Variants in SBF2 observed in about 807,000 individuals in gnomAD.
The protein encoded by SBF2 is SET binding factor 2, also known as myotubularin-related protein 13.
A neutral mutation model predicts 225.2 loss-of-function variants in SBF2; 112 were observed. The ratio of observed to expected loss-of-function variants is 0.50; its 90% CI spans 0.43 to 0.58. SBF2 has a LOEUF of 0.58. Ranked by LOEUF, SBF2 falls within the 20% of genes least tolerant of loss-of-function variation. The pLI, the probability that SBF2 is intolerant of heterozygous loss-of-function variation, is 0.00. For synonymous variants in SBF2, 763 were observed against 773.3 expected, an observed-to-expected ratio of 0.99 and a Z score of 0.22; for missense variants, 1,996 against 2,206.2, an observed-to-expected ratio of 0.90 and a Z score of 1.91.
chr11:9,811,399 T>C (rs1437312224), intron 30 of SBF2: 1 of 152,202 alleles, frequency 6.6e-6, no homozygotes, highest in African/African-American at 2.4e-5. Flanking sequence ...ATATCCCAAG[T>C]GGGCAATTAT....
intron 19 of SBF2, among the ~76,000 whole-genome samples, chr11:9,855,176 T>C (rs1421265209): frequency 6.6e-6 from 1 of 152,202 alleles, no homozygotes; most frequent in Non-Finnish European, 1.5e-5. Flanking sequence ...CCAGACTATG[T>C]TGTTCCCATT....
At chr11:9,829,531 GTC>G in intron 27 of SBF2, 35 bp from the exon 28 acceptor site, 1 of 1,534,424 alleles carries the variant, frequency 6.5e-7, no homozygotes, top group Non-Finnish European at 9.0e-7. Flanking sequence ...AAAATAAACT[GTC>G]TCTGTGTTAA....
At chr11:9,949,310 T>C (rs973982505) in intron 16 of SBF2, among the ~76,000 whole-genome samples, 3 of 152,166 alleles carry the variant, frequency 2.0e-5, no homozygotes, top group African/African-American at 7.2e-5. Flanking sequence ...TCTGATTTTC[T>C]ATCTAAAAAT....
intron 16 of SBF2, among the ~76,000 whole-genome samples, chr11:9,939,243 C>T (rs1228463677): frequency 6.6e-6 from 1 of 152,120 alleles, no homozygotes; most frequent in African/African-American, 2.4e-5. Flanking sequence ...TTACAGGCAC[C>T]TGCCACCACG....
intron 2 of SBF2, among the ~76,000 whole-genome samples, chr11:10,128,768 C>A (rs887694662): frequency 1.3e-5 from 2 of 152,134 alleles, no homozygotes; most frequent in African/African-American, 4.8e-5. Context: ...AAAAAGAATG[C>A]TCAACAAAAT....
intron 1 of SBF2, among the ~76,000 whole-genome samples, chr11:10,263,839 A>C (rs746734369): frequency 2.7e-4 from 41 of 152,218 alleles, no homozygotes; most frequent in Admixed American, 2.2e-3. Context: ...TGAACAGTCC[A>C]AATTATCCAC....
rs1806913 is a variant in SBF2 at position 10,155,660 on chromosome 11, T to C, written c.141+38242A>G. 3.0e-3 allele frequency among the ~76,000 whole-genome samples: 463 copies of C among 152,290 alleles called. 4 individuals are homozygous for C. The highest frequency in any genetic ancestry group is 0.011 in the African/African-American group (451 of 41,554). Reference sequence around the variant, plus strand: ...TAAATAGTTAAATAATGTTTGTATTTCTGACAATTTTCAACTCTACCTTAT... The same window carrying C: ...TAAATAGTTAAATAATGTTTGTATTCCTGACAATTTTCAACTCTACCTTAT... On this transcript the variant is annotated intron_variant, in intron 2 of 39. Transcript: ENST00000256190.
chr11:10,069,304 C>T (rs1311307349), intron 2 of SBF2, among the ~76,000 whole-genome samples: 1 of 127,738 alleles, frequency 7.8e-6, no homozygotes. Flanking sequence ...CTAATGCTAT[C>T]CTCCCCTCCC....
intron 1 of SBF2, among the ~76,000 whole-genome samples, chr11:10,291,657 AACACACAC>A (rs10580039): frequency 0.2 from 28,788 of 145,954 alleles, 3,446 homozygotes; most frequent in Non-Finnish European, 0.28. Context: ...TAATCCACTA[AACACACAC>A]ACACACACAC....
At chr11:10,082,865 A>T (rs1415440060) in intron 2 of SBF2, among the ~76,000 whole-genome samples, 1 of 152,186 alleles carries the variant, frequency 6.6e-6, no homozygotes, top group Non-Finnish European at 1.5e-5. Context: ...TATTCAACAC[A>T]GTACTGGAAA....
intron 2 of SBF2, among the ~76,000 whole-genome samples, chr11:10,052,437 T>C (rs1015831332): frequency 2.0e-5 from 3 of 152,174 alleles, no homozygotes; most frequent in Non-Finnish European, 4.4e-5. Context: ...GAACAGGCAA[T>C]GTGGGAATCC....
At chr11:10,099,384 A>T (rs1952182479) in intron 2 of SBF2, among the ~76,000 whole-genome samples, 1 of 152,234 alleles carries the variant, frequency 6.6e-6, no homozygotes, top group African/African-American at 2.4e-5. Flanking sequence ...GAAATGAAAG[A>T]GAGATTAAAA....
chr11:9,988,700 G>A (rs377194348), intron 13 of SBF2, among the ~76,000 whole-genome samples: 19 of 152,088 alleles, frequency 1.2e-4, no homozygotes, highest in Non-Finnish European at 2.1e-4. Flanking sequence ...AAGCCACAGC[G>A]CGATACCATC....
At chr11:9,795,144 C>T (rs1283741587) in intron 33 of SBF2, among the ~76,000 whole-genome samples, 13 of 152,040 alleles carry the variant, frequency 8.6e-5, no homozygotes, top group Non-Finnish European at 1.6e-4. Flanking sequence ...ATGTTTTTAC[C>T]GGGGCTGACT....
intron 16 of SBF2, among the ~76,000 whole-genome samples, chr11:9,906,024 G>A (rs1443477134): frequency 6.6e-6 from 1 of 152,072 alleles, no homozygotes; most frequent in Non-Finnish European, 1.5e-5. Context: ...CCTCTCTATG[G>A]ATTATATATA....
chr11:10,116,868 T>G (rs1953167817), intron 2 of SBF2, among the ~76,000 whole-genome samples: 1 of 152,216 alleles, frequency 6.6e-6, no homozygotes, highest in South Asian at 2.1e-4. Flanking sequence ...GAGACATTGT[T>G]ATGTAAGTTA....
chr11:9,811,888 G>A (rs1241587170), intron 30 of SBF2, among the ~76,000 whole-genome samples: 1 of 152,078 alleles, frequency 6.6e-6, no homozygotes. Context: ...GGTCAAGGTG[G>A]GAGGATTACT....
chr11:9,989,653 C>G lies in SBF2; in HGVS notation c.1297-58G>C. ...TTCCAAAATATGCCAAATTCAAAAA[C>G]TGTGATAATTTCATACAATTTGCAA... On this transcript the variant is annotated intron_variant, in intron 12 of 39. Coordinates refer to ENST00000256190, the MANE Select transcript of SBF2 (RefSeq NM_030962.4). 3 of 1,023,106 alleles carry G rather than the reference C, an allele frequency of 2.9e-6. No individual in the cohort carries two copies. The South Asian group carries it at 4.1e-5, about 14-fold the overall frequency. 63.4% of individuals were successfully genotyped at this position (1,023,106 alleles called of 1,614,324 possible).
At chr11:10,058,648 T>G (rs1590858225) in intron 2 of SBF2, among the ~76,000 whole-genome samples, 1 of 152,136 alleles carries the variant, frequency 6.6e-6, no homozygotes, top group African/African-American at 2.4e-5. Context: ...ATCAGTCAAA[T>G]TAAGGAAATA....
Sources: gnomAD v4.1 joint callset for allele counts (sites outside exome capture counted in the v4.1 genomes callset) on GRCh38, gnomAD v4.1.1 for gene constraint, MANE v1.5 for transcripts, NCBI Gene and HGNC (gene_info 2026-07-23, HGNC 2026-07-21) for gene names.